Variants in NPHP4 observed in about 807,000 individuals in gnomAD.
The protein encoded by NPHP4 is nephrocystin-4.
Under a neutral mutation model 155.8 loss-of-function variants are expected in NPHP4, and 151 were observed. The observed-to-expected ratio is 0.97, with a 90% CI of 0.85 to 1.11. The LOEUF (loss-of-function observed/expected upper bound fraction) is 1.11, where lower values mean the gene tolerates loss of function less well. Among genes scored for constraint, NPHP4 ranks in the 50% least tolerant of loss-of-function variants. The probability of loss-of-function intolerance (pLI) is 0.00; values close to 1 mark genes in which losing one functional copy is unlikely to be tolerated. For synonymous variants in NPHP4, 845 were observed against 816.8 expected (o/e 1.03, Z -0.59); for missense variants, 1,956 against 1,925.7 (o/e 1.02, Z -0.29).
At chr1:5,953,960 T>G (rs1648696118) in intron 6 of NPHP4, among the ~76,000 whole-genome samples, 1 of 152,144 alleles carries the variant, frequency 6.6e-6, no homozygotes, top group South Asian at 2.1e-4. Flanking sequence ...AATTTCAAAG[T>G]TGAAAAAAAA....
At chr1:5,868,004 C>T (rs1641438748) in intron 23 of NPHP4, 108 bp from the exon 24 acceptor site, 6 of 1,189,290 alleles carry the variant, frequency 5.0e-6, no homozygotes, top group South Asian at 1.3e-5. Context: ...GACCCCCTCA[C>T]CCTCCACTGC....
At chr1:5,871,558 T>C (rs1642008660) in intron 23 of NPHP4, among the ~76,000 whole-genome samples, 1 of 152,222 alleles carries the variant, frequency 6.6e-6, no homozygotes, top group Admixed American at 6.5e-5. Flanking sequence ...ACAGGAAGAA[T>C]GACAGGACTG....
In NPHP4 at chr1:5,863,994, C is replaced by T; in HGVS notation, c.4036G>A (p.Val1346Ile). The T allele has an allele frequency of 6.2e-7, 1 of 1,613,806 alleles. No individual in the cohort carries two copies. Among genetic ancestry groups the T allele is most frequent in the Non-Finnish European group, 8.5e-7 (1 of 1,179,804 alleles). ...IMLAAGEGKG[V>I]NKRITYTNPY... ...TTGGTGTAGGTGATCCTCTTGTTGA[C>T]ACCCTTCCCTTCGCCCGCAGCCAAC... is the stretch of plus-strand genomic sequence containing the variant. Residue 1346 changes from valine (V) to isoleucine (I), a missense_variant, in exon 29 of 30, where the codon GTC becomes ATC. Transcript: ENST00000378156.
intron 1 of NPHP4, among the ~76,000 whole-genome samples, chr1:5,986,626 T>C (rs982900291): frequency 6.6e-6 from 1 of 152,222 alleles, no homozygotes; most frequent in African/African-American, 2.4e-5. Flanking sequence ...ACCAGGTACC[T>C]GGGGTCAACA....
chr1:5,977,709 G>A (rs1300576699), intron 3 of NPHP4, among the ~76,000 whole-genome samples: 26 of 149,772 alleles, frequency 1.7e-4, no homozygotes, highest in East Asian at 4.2e-4. Context: ...CCACCTGAGT[G>A]AAAACACGCT....
At chr1:5,988,742 G>C (rs541670883) in intron 1 of NPHP4, among the ~76,000 whole-genome samples, 6 of 150,494 alleles carry the variant, frequency 4.0e-5, no homozygotes, top group African/African-American at 1.5e-4. Context: ...AGCCTGAGAG[G>C]GGCCTTGGCC....
At chr1:5,887,888 C>T (rs1363661978) in intron 17 of NPHP4, among the ~76,000 whole-genome samples, 1 of 152,222 alleles carries the variant, frequency 6.6e-6, no homozygotes, top group Non-Finnish European at 1.5e-5. Context: ...ACGGAAACCC[C>T]AATGGGACTC....
intron 5 of NPHP4, among the ~76,000 whole-genome samples, chr1:5,963,565 A>G (rs1178149874): frequency 2.6e-5 from 4 of 152,152 alleles, no homozygotes; most frequent in African/African-American, 9.7e-5. Flanking sequence ...GAAATAGGAA[A>G]AGACTCCAAA....
chr1:5,922,476 T>C (rs768272848), intron 11 of NPHP4, among the ~76,000 whole-genome samples: 16 of 152,224 alleles, frequency 1.1e-4, no homozygotes, highest in Non-Finnish European at 2.1e-4. Flanking sequence ...TTACAGTAAG[T>C]CTGAAAACTA....
rs747264849 is a variant in NPHP4, at chr1:5,889,078, C to A, written c.2305-1612G>T. Among the ~76,000 whole-genome samples, 1 of 152,204 alleles carries A rather than the reference C, an allele frequency of 6.6e-6. No individual in the cohort carries two copies. The highest frequency in any genetic ancestry group is 1.5e-5 in the Non-Finnish European group (1 of 68,042). On this transcript the variant is annotated intron_variant, in intron 17 of 29. Coordinates refer to ENST00000378156, the MANE Select transcript of NPHP4 (RefSeq NM_015102.5). This position sits in a 1 kb window ranked among gnomAD's most constrained non-coding sequence, Gnocchi z 4.2. ...CACTGAAGGCAGCACAGGAGCCGTC[C>A]GTCCCTAGAGGAAACTCTTCTCATC...
intron 9 of NPHP4, among the ~76,000 whole-genome samples, chr1:5,943,771 G>T (rs1233383343): frequency 6.6e-6 from 1 of 152,188 alleles, no homozygotes; most frequent in African/African-American, 2.4e-5. Context: ...GATGTTTGAT[G>T]ATACTAAGAA....
At chr1:5,873,660 C>G in intron 22 of NPHP4, 1 of 436,032 alleles carries the variant, frequency 2.3e-6, no homozygotes, top group Non-Finnish European at 4.1e-6. Flanking sequence ...TCAAGTCCAC[C>G]TTAAGCGATG....
chr1:5,960,739 G>A (rs1570648977), intron 6 of NPHP4, among the ~76,000 whole-genome samples: 1 of 152,064 alleles, frequency 6.6e-6, no homozygotes, highest in South Asian at 2.1e-4. Flanking sequence ...CAGGCCATGA[G>A]GACCACCCAG....
chr1:5,992,031 G>A (rs34031616), intron 1 of NPHP4, among the ~76,000 whole-genome samples: 62 of 151,838 alleles, frequency 4.1e-4, no homozygotes, highest in African/African-American at 1.4e-3. Flanking sequence ...GTCCCGACGA[G>A]GGGGGACGCC....
At chr1:5,863,745 A>G (rs527655370) in intron 29 of NPHP4, 145 bp downstream of exon 29, 1 of 836,912 alleles carries the variant, frequency 1.2e-6, no homozygotes, top group African/African-American at 1.7e-5. Flanking sequence ...GGCCCACCCA[A>G]CTATGGGATG....
rs1331083721 is a variant in NPHP4, at chr1:5,865,190, C to G, written c.3728G>C (p.Gly1243Ala). Residue 1243 changes from glycine to alanine, a missense_variant, in exon 27 of 30, where the codon GGC becomes GCC. Transcript: ENST00000378156. ...LQRVDVSCVAGQLTRLSLVLR... is the reference protein window; with the variant it reads ...LQRVDVSCVAAQLTRLSLVLR... ...GACAAGGGACAGGCGGGTCAGCTGG[C>G]CTGCGACGCAGGAGACATCCACGCG... is the stretch of plus-strand genomic sequence containing the variant. The G allele has an allele frequency of 1.7e-5, 28 of 1,612,310 alleles. No individual in the cohort carries two copies. Among genetic ancestry groups the G allele is most frequent in the Non-Finnish European group, 2.1e-5 (25 of 1,179,312 alleles).
At chr1:5,952,917 CA>C in intron 6 of NPHP4, 81 bp from the exon 7 acceptor site, 1 of 1,380,386 alleles carries the variant, frequency 7.2e-7, no homozygotes, top group Non-Finnish European at 9.8e-7. Flanking sequence ...CTACCCACCC[CA>C]GCCTCAGCCG....
chr1:5,902,208 C>G (rs1004941779), intron 16 of NPHP4, among the ~76,000 whole-genome samples: 1 of 152,222 alleles, frequency 6.6e-6, no homozygotes, highest in Admixed American at 6.5e-5. Flanking sequence ...TCCTCCTCCC[C>G]ACTCTCTTCT....
intron 9 of NPHP4, among the ~76,000 whole-genome samples, chr1:5,942,328 G>A (rs536905023): frequency 6.6e-6 from 1 of 151,954 alleles, no homozygotes; most frequent in Non-Finnish European, 1.5e-5. Context: ...TCAGGATATC[G>A]AGACCATCCT....
Sources: gnomAD v4.1 joint callset for allele counts (sites outside exome capture counted in the v4.1 genomes callset) on GRCh38, gnomAD v4.1.1 for gene constraint, Gnocchi (gnomAD v3.1) non-coding constraint, MANE v1.5 for transcripts, NCBI Gene and HGNC (gene_info 2026-07-23, HGNC 2026-07-21) for gene names.